The following PARP6 variants were observed in gnomAD, a reference collection of about 807,000 sequenced individuals.
PARP6 encodes the protein poly(ADP-ribose) polymerase family member 6.
PARP6 carries 27 observed loss-of-function variants against 92.0 expected under a neutral mutation model. The observed-to-expected ratio is 0.29, with a 90% CI of 0.22 to 0.40. PARP6 has a LOEUF of 0.40. Ranked by LOEUF, PARP6 falls within the 10% of genes least tolerant of loss-of-function variation. PARP6 has a pLI of 1.00. For missense variants in PARP6, 501 were observed against 784.5 expected, an observed-to-expected ratio of 0.64 and a Z score of 4.32; for synonymous variants, 272 against 281.2, an observed-to-expected ratio of 0.97 and a Z score of 0.33.
intron 11 of PARP6, among the ~76,000 whole-genome samples, chr15:72,259,351 G>C (rs894125799): frequency 1.3e-5 from 2 of 152,240 alleles, no homozygotes; most frequent in Non-Finnish European, 2.9e-5. Context: ...CTCATCTCAT[G>C]TCATATGAGT....
intron 9 of PARP6, 85 bp downstream of exon 9, chr15:72,261,473 G>A (rs1372716541): frequency 6.8e-6 from 8 of 1,183,766 alleles, no homozygotes; most frequent in Non-Finnish European, 4.9e-6. Context: ...GAAGAGAGGG[G>A]ATAGAAACAT....
At chr15:72,267,370 C>T in intron 3 of PARP6, 105 bp downstream of exon 3, 1 of 1,275,592 alleles carries the variant, frequency 7.8e-7, no homozygotes, top group Non-Finnish European at 1.1e-6. Flanking sequence ...GCCACTCTAT[C>T]TTCCAAAAGG....
rs1423923260 is a variant in PARP6 at position 72,241,796 on chromosome 15, A to G, written c.1790+105T>C. Reference sequence around the variant, plus strand: ...AGTGACAGCTCCACTCAGGTAGCCAAGGACATGTCTCAGATAACAGAAATA... The same window carrying G: ...AGTGACAGCTCCACTCAGGTAGCCAGGGACATGTCTCAGATAACAGAAATA... On this transcript the variant is annotated intron_variant, in intron 23 of 23. Coordinates refer to ENST00000569795, the MANE Select transcript of PARP6 (RefSeq NM_001323532.2). This position sits in a 1 kb window ranked among gnomAD's most constrained non-coding sequence, Gnocchi z 4.1. 1 of 895,868 alleles carries G rather than the reference A, an allele frequency of 1.1e-6. No homozygotes were observed. Among genetic ancestry groups the G allele is most frequent in the Non-Finnish European group, 1.9e-6 (1 of 538,552 alleles). 55.5% of individuals were successfully genotyped at this position (895,868 alleles called of 1,614,324 possible).
chr15:72,268,264 TG>T (rs1326462015), intron 2 of PARP6, among the ~76,000 whole-genome samples: 1 of 152,202 alleles, frequency 6.6e-6, no homozygotes, highest in Non-Finnish European at 1.5e-5. Context: ...AAGCCAAAAG[TG>T]ATGGTGGCAG....
intron 14 of PARP6, among the ~76,000 whole-genome samples, chr15:72,255,236 C>T (rs2084912733): frequency 6.6e-6 from 1 of 152,096 alleles, no homozygotes; most frequent in Non-Finnish European, 1.5e-5. Flanking sequence ...CTAGAACTTA[C>T]ACCATTGGCT....
chr15:72,264,802 T>A (rs568123129), intron 7 of PARP6, among the ~76,000 whole-genome samples, 181 bp from the exon 8 acceptor site: 5 of 152,246 alleles, frequency 3.3e-5, no homozygotes, highest in Non-Finnish European at 5.9e-5. Flanking sequence ...GTCATATGAA[T>A]CTGAAATATC....
chr15:72,249,179 C>G (rs1172702632), intron 20 of PARP6, 66 bp downstream of exon 20: 4 of 897,082 alleles, frequency 4.5e-6, no homozygotes, highest in East Asian at 2.5e-5. Flanking sequence ...ACAGACAGCA[C>G]AAATCATGTA....
chr15:72,259,725 A>C, intron 10 of PARP6, 64 bp from the exon 11 acceptor site: 2 of 1,387,354 alleles, frequency 1.4e-6, no homozygotes, highest in Non-Finnish European at 2.0e-6. Context: ...GACAGACCTG[A>C]CTCTTGCCTA....
chr15:72,267,757 C>T (rs2086791026), intron 2 of PARP6, 86 bp from the exon 3 acceptor site: 3 of 309,426 alleles, frequency 9.7e-6, no homozygotes, highest in South Asian at 7.7e-5. Flanking sequence ...TATCAATACA[C>T]TTTTTTTTTT....
In PARP6 at chr15:72,242,175, A is replaced by G. The variant is rs761824034; in HGVS notation, c.1687T>C (p.Cys563Arg). 1 of 1,614,086 alleles carries G rather than the reference A, an allele frequency of 6.2e-7. No individual in the cohort carries two copies. Among genetic ancestry groups the G allele is most frequent in the Non-Finnish European group, 8.5e-7 (1 of 1,179,948 alleles). Residue 563 changes from cysteine (C) to arginine (R), a missense_variant, in exon 22 of 24, where the codon TGT becomes CGT. Physicochemically the swap from Cys to Arg is radical, Grantham distance 180. Transcript: ENST00000569795. The surrounding 1 kb of genome is among the most constrained non-coding windows in gnomAD (Gnocchi z 4.3). ...TACCTACCTTCACAAAGTGCTATAC[A>G]GTTTAGATTCCGACTCTGCAGGAAC... Reference protein sequence around the residue: ...SRFLQSRNLNCIALCEVITSK... With the variant: ...SRFLQSRNLNRIALCEVITSK...
intron 10 of PARP6, among the ~76,000 whole-genome samples, chr15:72,259,948 T>C (rs1223479139): frequency 1.3e-5 from 2 of 152,238 alleles, no homozygotes; most frequent in African/African-American, 4.8e-5. Context: ...CTCCTTGAGA[T>C]TCCCATCTCC....
rs200981643 is a variant in PARP6, at chr15:72,265,943, T to C, written c.130A>G (p.Ile44Val). 3.7e-6 allele frequency: 6 copies of C among 1,614,018 alleles called. No individual in the cohort carries two copies. Among genetic ancestry groups the C allele is most frequent in the Non-Finnish European group, 5.1e-6 (6 of 1,179,962 alleles). Residue 44 changes from isoleucine to valine, a missense_variant, in exon 5 of 24, where the codon ATT (isoleucine) becomes GTT (valine). Coordinates refer to ENST00000569795, the MANE Select transcript of PARP6 (RefSeq NM_001323532.2). ...LYRHPQLDAD[I>V]EAVKEIYSEN... ...CTGTAGATCTCCTTCACGGCTTCAATGTCTGCATCAAGCTGTGGGTGTCGA... is the reference window on the plus strand; with the variant it reads ...CTGTAGATCTCCTTCACGGCTTCAACGTCTGCATCAAGCTGTGGGTGTCGA...
Position 72,270,525 on chromosome 15 carries a change from T to A in PARP6, c.-195+498A>T, listed in dbSNP as rs1017822765. Among the ~76,000 whole-genome samples, 5 of 152,216 alleles carry A rather than the reference T, an allele frequency of 3.3e-5. No individual in the cohort carries two copies. The East Asian group carries it at 5.8e-4, about 18-fold the overall frequency. The stretch of plus-strand genomic sequence containing the variant: ...TCCACAATTGCCTCATTACTGTTCT[T>A]CAAACTCATCAAGCATATTCCCACT... On this transcript the variant is annotated intron_variant, in intron 2 of 23. Coordinates refer to ENST00000569795, the MANE Select transcript of PARP6 (RefSeq NM_001323532.2).
At position 72,241,649 on chromosome 15, in the gene PARP6, C is replaced by G; in HGVS notation, c.1791-92G>C. 9.8e-7 allele frequency: 1 copy of G among 1,022,448 alleles called. No individual in the cohort carries two copies. 63.3% of individuals were successfully genotyped at this position (1,022,448 alleles called of 1,614,324 possible). A position where few individuals can be genotyped will look rare whatever the true frequency, so the allele number is the denominator to read the frequency against. ...AACTGTATTTCAAGGTATGGCCATCCCATCCCAGAAGTCAAAGCCCTTTCT... is the reference window on the plus strand; with the variant it reads ...AACTGTATTTCAAGGTATGGCCATCGCATCCCAGAAGTCAAAGCCCTTTCT... On this transcript the variant is annotated intron_variant, in intron 23 of 23. Coordinates refer to ENST00000569795, the MANE Select transcript of PARP6 (RefSeq NM_001323532.2). This position sits in a 1 kb window ranked among gnomAD's most constrained non-coding sequence, Gnocchi z 4.1.
At chr15:72,260,984 GCTGC>G (rs2085800364) in intron 9 of PARP6, among the ~76,000 whole-genome samples, 2 of 152,112 alleles carry the variant, frequency 1.3e-5, no homozygotes, top group Admixed American at 6.6e-5. Flanking sequence ...CCTTGGAAAG[GCTGC>G]CTGTTTTTCT....
chr15:72,266,873 A>T lies in PARP6; in HGVS notation c.4-51T>A, dbSNP rs149183874. 8.5e-3 allele frequency: 11,722 copies of T among 1,374,018 alleles called. 99 individuals are homozygous for T. The highest frequency in any genetic ancestry group is 0.025 in the African/African-American group (1,744 of 70,122). 85.1% of individuals were successfully genotyped at this position (1,374,018 alleles called of 1,614,324 possible). Reference sequence around the variant, plus strand: ...TGCTTTGTTAGGTCCCTATTATCCCATGGAAAGGCGTGGGATGATATGGTG... The same window carrying T: ...TGCTTTGTTAGGTCCCTATTATCCCTTGGAAAGGCGTGGGATGATATGGTG... On this transcript the variant is annotated intron_variant, in intron 3 of 23. Transcript: ENST00000569795.
At chr15:72,249,830 G>T (rs1024846043) in intron 19 of PARP6, among the ~76,000 whole-genome samples, 190 bp downstream of exon 19, 1 of 152,076 alleles carries the variant, frequency 6.6e-6, no homozygotes, top group African/African-American at 2.4e-5. Context: ...AAAAAACGCA[G>T]ACTGAGATCA....
intron 6 of PARP6, 104 bp from the exon 7 acceptor site, chr15:72,265,275 T>TCTG: frequency 9.6e-7 from 1 of 1,043,620 alleles, no homozygotes; most frequent in South Asian, 1.3e-5. Flanking sequence ...CACACCACTG[T>TCTG]CTGCTGATGG....
At chr15:72,255,785 T>TC (rs200975488) in intron 14 of PARP6, among the ~76,000 whole-genome samples, 54 of 904 alleles carry the variant, frequency 0.06, no homozygotes, top group Non-Finnish European at 0.11. Flanking sequence ...TACTTCTCTC[T>TC]TTTTTTTTTT....
Sources: gnomAD v4.1 joint callset for allele counts (sites outside exome capture counted in the v4.1 genomes callset) on GRCh38, gnomAD v4.1.1 for gene constraint, Gnocchi (gnomAD v3.1) non-coding constraint, MANE v1.5 for transcripts, NCBI Gene and HGNC (gene_info 2026-07-23, HGNC 2026-07-21) for gene names.